Variants in TIMM9 observed in about 807,000 individuals in gnomAD.
TIMM9 encodes the protein mitochondrial import inner membrane translocase subunit Tim9.
A neutral mutation model predicts 13.4 loss-of-function variants in TIMM9; 10 were observed. The ratio of observed to expected loss-of-function variants is 0.75; its 90% CI spans 0.46 to 1.26. The LOEUF (loss-of-function observed/expected upper bound fraction) is 1.26, where lower values mean the gene tolerates loss of function less well. Ranked by LOEUF, TIMM9 falls within the 50% of genes most tolerant of loss-of-function variation. TIMM9 has a pLI of 0.00. For missense variants in TIMM9, 87 were observed against 100.8 expected (o/e 0.86, Z 0.58); for synonymous variants, 32 against 32.1 (o/e 1.00, Z 0.01).
At chr14:58,426,969 G>A (rs2036865499) in intron 2 of TIMM9, 85 bp downstream of exon 2, 1 of 152,924 alleles carries the variant, frequency 6.5e-6, no homozygotes. Flanking sequence ...GCCTCCTCGG[G>A]AGACCCCGCC....
intron 4 of TIMM9, among the ~76,000 whole-genome samples, chr14:58,411,430 A>AC (rs1264814721): frequency 4.6e-5 from 7 of 151,772 alleles, no homozygotes; most frequent in South Asian, 2.1e-4. Flanking sequence ...CCTGGCCGAC[A>AC]AAGAGAGACT....
chr14:58,409,263 T>C, intron 5 of TIMM9, 95 bp from the exon 6 acceptor site: 1 of 1,391,364 alleles, frequency 7.2e-7, no homozygotes, highest in East Asian at 2.4e-5. Context: ...TAGTTTGCTT[T>C]TCTTTGAATA....
chr14:58,421,970 A>T (rs1300668438), intron 3 of TIMM9, among the ~76,000 whole-genome samples: 1 of 152,016 alleles, frequency 6.6e-6, no homozygotes, highest in Non-Finnish European at 1.5e-5. Flanking sequence ...ACATCAAAAA[A>T]TAACACAGAG....
At chr14:58,425,639 A>G (rs1463296801) in intron 2 of TIMM9, among the ~76,000 whole-genome samples, 1 of 152,134 alleles carries the variant, frequency 6.6e-6, no homozygotes, top group African/African-American at 2.4e-5. Context: ...CAGAGTGCCT[A>G]CACTCAGATC....
chr14:58,419,644 G>A (rs1323230118), intron 3 of TIMM9, among the ~76,000 whole-genome samples: 1 of 151,844 alleles, frequency 6.6e-6, no homozygotes, highest in Non-Finnish European at 1.5e-5. Context: ...GGTGGCTCAT[G>A]CCTGGAATTC....
At chr14:58,414,795 A>T (rs2036347475) in intron 3 of TIMM9, among the ~76,000 whole-genome samples, 1 of 151,910 alleles carries the variant, frequency 6.6e-6, no homozygotes, top group African/African-American at 2.4e-5. Context: ...ACTGACATTT[A>T]AAAAAATGTC....
intron 3 of TIMM9, among the ~76,000 whole-genome samples, chr14:58,416,141 T>C (rs2036402638): frequency 6.6e-6 from 1 of 151,718 alleles, no homozygotes; most frequent in Admixed American, 6.6e-5. Context: ...GGCACGAGAA[T>C]TGCTTGAACC....
intron 3 of TIMM9, among the ~76,000 whole-genome samples, chr14:58,413,779 G>A (rs990413072): frequency 6.6e-6 from 1 of 151,186 alleles, no homozygotes; most frequent in African/African-American, 2.4e-5. Context: ...AGGCTGAGGC[G>A]GGCAGATTAC....
At chr14:58,423,417 C>G (rs2140343294) in intron 3 of TIMM9, among the ~76,000 whole-genome samples, 2 of 145,386 alleles carry the variant, frequency 1.4e-5, no homozygotes, top group Middle Eastern at 3.6e-3. Flanking sequence ...ACTCGGGAGG[C>G]TGAGGCAGAA....
chr14:58,412,219 T>G (rs536784686), intron 3 of TIMM9: 381 of 342,114 alleles, frequency 1.1e-3, no homozygotes, highest in Non-Finnish European at 1.4e-3. Context: ...CTTGGCTCAC[T>G]GCAACCTCTG....
chr14:58,411,041 C>T, intron 4 of TIMM9, 103 bp from the exon 5 acceptor site: 1 of 743,960 alleles, frequency 1.3e-6, no homozygotes, highest in Non-Finnish European at 2.3e-6. Context: ...TATACTATAA[C>T]ACTTGAAATC....
At chr14:58,422,989 T>C (rs1241721406) in intron 3 of TIMM9, among the ~76,000 whole-genome samples, 1 of 151,534 alleles carries the variant, frequency 6.6e-6, no homozygotes, top group Non-Finnish European at 1.5e-5. Flanking sequence ...TTGTTTAGTA[T>C]AGATGGGGTT....
At chr14:58,409,249 G>A in intron 5 of TIMM9, 81 bp from the exon 6 acceptor site, 3 of 1,509,096 alleles carry the variant, frequency 2.0e-6, no homozygotes, top group South Asian at 1.2e-5. Context: ...AAGAATCAGT[G>A]GGGTAGTTTG....
rs373859057 is a variant in TIMM9 at position 58,419,386 on chromosome 14, T to C, written c.-27+4622A>G. On this transcript the variant is annotated intron_variant, in intron 3 of 5. Transcript: ENST00000395159. ...AGGAGAATCATTTGAGCCTGGGAGG[T>C]AGAGGCTGCAGTAAGCCATGGTTGC... Among the ~76,000 whole-genome samples the C allele has an allele frequency of 3.5e-5, 5 of 143,012 alleles. 1 individual carries two copies. The highest frequency in any genetic ancestry group is 2.1e-4 in the East Asian group (1 of 4,726). 93.8% of individuals were successfully genotyped at this position (143,012 alleles called of 152,430 possible). A position where few individuals can be genotyped will look rare whatever the true frequency, so the allele number is the denominator to read the frequency against.
chr14:58,417,294 C>A (rs994429464), intron 3 of TIMM9, among the ~76,000 whole-genome samples: 1 of 151,282 alleles, frequency 6.6e-6, no homozygotes, highest in Non-Finnish European at 1.5e-5. Flanking sequence ...CATAGTGATA[C>A]CTTCTCTCTC....
At chr14:58,415,948 C>A (rs924422241) in intron 3 of TIMM9, among the ~76,000 whole-genome samples, 1 of 151,928 alleles carries the variant, frequency 6.6e-6, no homozygotes, top group Non-Finnish European at 1.5e-5. Context: ...GAGCGCAGTG[C>A]CTCACGTCTA....
intron 2 of TIMM9, among the ~76,000 whole-genome samples, chr14:58,425,097 G>T (rs1566755852): frequency 1.3e-5 from 2 of 151,994 alleles, no homozygotes; most frequent in Non-Finnish European, 1.5e-5. Context: ...AAGAAAAGGG[G>T]TTGAGAGGGC....
At chr14:58,413,530 C>A (rs1257732943) in intron 3 of TIMM9, among the ~76,000 whole-genome samples, 1 of 152,088 alleles carries the variant, frequency 6.6e-6, no homozygotes, top group Non-Finnish European at 1.5e-5. Context: ...TATAATCTAA[C>A]GTGGCGGCAA....
intron 3 of TIMM9, 95 bp from the exon 4 acceptor site, chr14:58,412,066 T>C: frequency 1.1e-6 from 1 of 888,010 alleles, no homozygotes; most frequent in Non-Finnish European, 1.8e-6. Context: ...ATTTTATAAA[T>C]CTGTGTATGT....
Sources: allele counts gnomAD v4.1 joint callset (sites outside exome capture counted in the v4.1 genomes callset), GRCh38; gene constraint gnomAD v4.1.1; transcripts MANE v1.5; gene names NCBI Gene and HGNC (gene_info 2026-07-23, HGNC 2026-07-21).